The following CORO2B variants were observed in gnomAD, a reference collection of about 807,000 sequenced individuals.
The protein encoded by CORO2B is coronin-2B.
In CORO2B, 26 loss-of-function variants were observed where a neutral mutation model predicts 58.8. The ratio of observed to expected loss-of-function variants is 0.44; its 90% CI spans 0.32 to 0.61. The LOEUF is 0.61. Ranked by LOEUF, CORO2B falls within the 20% of genes least tolerant of loss-of-function variation. The pLI is 0.04. For synonymous variants in CORO2B, 242 were observed against 253.8 expected, an observed-to-expected ratio of 0.95 and a Z score of 0.44; for missense variants, 460 against 645.1, an observed-to-expected ratio of 0.71 and a Z score of 3.11.
chr15:68,534,878 A>G, the CORO2B span, among the ~76,000 whole-genome samples: 1 of 152,236 alleles, frequency 6.6e-6, no homozygotes, highest in East Asian at 1.9e-4. Flanking sequence ...GTGGCAGCAG[A>G]CAAAAGAGAG....
chr15:68,535,108 G>T, the CORO2B span, among the ~76,000 whole-genome samples: 4 of 152,178 alleles, frequency 2.6e-5, no homozygotes, highest in African/African-American at 9.7e-5. Context: ...TTAGATGTAT[G>T]CCTCTCTGAG....
At chr15:68,702,853 G>A (rs1456809053) in intron 3 of CORO2B, among the ~76,000 whole-genome samples, 2 of 118,706 alleles carry the variant, frequency 1.7e-5, no homozygotes, top group South Asian at 2.7e-4. Context: ...TTGAGACAGA[G>A]TCTCACTTTG....
intron 2 of CORO2B, among the ~76,000 whole-genome samples, chr15:68,671,548 G>A (rs1276139151): frequency 1.3e-5 from 2 of 152,234 alleles, no homozygotes; most frequent in Non-Finnish European, 2.9e-5. Context: ...GGTAGTTCTG[G>A]TTCAGGGTCT....
intron 3 of CORO2B, among the ~76,000 whole-genome samples, chr15:68,697,534 G>A (rs1451291358): frequency 6.6e-6 from 1 of 152,198 alleles, no homozygotes; most frequent in Admixed American, 6.5e-5. Flanking sequence ...GTGACTGGAA[G>A]GGTGGAGTGC....
chr15:68,699,928 G>A (rs1892599752), intron 3 of CORO2B, among the ~76,000 whole-genome samples: 1 of 152,216 alleles, frequency 6.6e-6, no homozygotes, highest in Non-Finnish European at 1.5e-5. Flanking sequence ...TTACATCACA[G>A]CGTCTGCTCT....
At chr15:68,642,785 T>G (rs1297406281) in intron 1 of CORO2B, among the ~76,000 whole-genome samples, 1 of 152,130 alleles carries the variant, frequency 6.6e-6, no homozygotes, top group African/African-American at 2.4e-5. Flanking sequence ...CACTGTGGAC[T>G]ATGTAGATCA....
intron 2 of CORO2B, among the ~76,000 whole-genome samples, chr15:68,689,524 A>G (rs950592199): frequency 6.6e-6 from 1 of 152,194 alleles, no homozygotes; most frequent in African/African-American, 2.4e-5. Flanking sequence ...TTAATATGCT[A>G]TTATATTATC....
chr15:68,719,457 A>G lies in CORO2B; in HGVS notation c.1216A>G (p.Lys406Glu). Residue 406 changes from lysine to glutamate, a missense_variant, in exon 11 of 12, where the codon AAA becomes GAA. By Grantham distance (56) the Lys-to-Glu change is moderately conservative (BLOSUM62 1). Around this residue, in one of 2 missense-constraint regions of CORO2B, gnomAD observed 108 missense variants for 102.1 expected, o/e 1.06. Coordinates refer to ENST00000261861, the MANE Select transcript of CORO2B (RefSeq NM_006091.5). Reference sequence around the variant, plus strand: ...GAAAGAAGGCTATAAGAAGTCCTCAAAAATGGTATTTAAGGCTCCCATCAA... The same window carrying G: ...GAAAGAAGGCTATAAGAAGTCCTCAGAAATGGTATTTAAGGCTCCCATCAA... The part of the protein sequence containing the change: ...SLKEGYKKSS[K>E]MVFKAPIKEK... 3 of 1,614,216 alleles carry G rather than the reference A, an allele frequency of 1.9e-6. No homozygotes were observed. The highest frequency in any genetic ancestry group is 2.5e-6 in the Non-Finnish European group (3 of 1,180,046).
At chr15:68,533,851 G>A in the CORO2B span, among the ~76,000 whole-genome samples, 1 of 152,070 alleles carries the variant, frequency 6.6e-6, no homozygotes, top group South Asian at 2.1e-4. Context: ...TCAAAGGGTG[G>A]GGACCTTTCT....
chr15:68,579,364 T>G, intron 1 of CORO2B, 87 bp downstream of exon 1: 4 of 1,163,996 alleles, frequency 3.4e-6, no homozygotes, highest in African/African-American at 1.6e-5. Flanking sequence ...GGTGTGGGTG[T>G]GGGGAGGGGG....
chr15:68,622,390 G>A (rs1228502358), intron 1 of CORO2B, among the ~76,000 whole-genome samples: 1 of 152,194 alleles, frequency 6.6e-6, no homozygotes, highest in Non-Finnish European at 1.5e-5. Flanking sequence ...GCTGTTGAAG[G>A]CCATGGGGAT....
At position 68,603,363 on chromosome 15, in the gene CORO2B, TAAAAA is replaced by T. The variant is rs745705361; in HGVS notation, c.15+24089_15+24093del. 3.9e-5 allele frequency among the ~76,000 whole-genome samples: 6 copies of T among 152,136 alleles called. No homozygotes were observed. In the East Asian group the frequency reaches 7.7e-4, roughly 20 times the overall value. On this transcript the variant is annotated intron_variant, in intron 1 of 11. Transcript: ENST00000261861. Reference sequence around the variant, plus strand: ...TGTAACCTCCAAATAATTATTATCTTAAAAAAACACACTTGCTAATCATACTAGTG... The same window carrying T: ...TGTAACCTCCAAATAATTATTATCTTAACACACTTGCTAATCATACTAGTG...
intron 1 of CORO2B, among the ~76,000 whole-genome samples, chr15:68,581,792 G>A (rs1421068406): frequency 6.6e-6 from 1 of 152,188 alleles, no homozygotes; most frequent in African/African-American, 2.4e-5. Flanking sequence ...GCGGTAGGTA[G>A]GGGAGGAAAT....
At chr15:68,665,788 T>C (rs1022072218) in intron 2 of CORO2B, among the ~76,000 whole-genome samples, 1 of 152,226 alleles carries the variant, frequency 6.6e-6, no homozygotes, top group Admixed American at 6.5e-5. Flanking sequence ...TATTTTGCCA[T>C]GTTACTAAAT....
In CORO2B at chr15:68,645,034, C is replaced by G; in HGVS notation, c.16-126C>G. 3.4e-6 allele frequency: 3 copies of G among 892,602 alleles called. No homozygotes were observed. The highest frequency in any genetic ancestry group is 5.1e-6 in the Non-Finnish European group (3 of 586,280). The allele number at this position is 892,602 out of a possible 1,614,324, so 55.3% of individuals were successfully genotyped here. A position where few individuals can be genotyped will look rare whatever the true frequency, so the allele number is the denominator to read the frequency against. ...CTTCTTCCTTTCCATCTCTTCCTGA[C>G]AGGGGACCCAGGGCCTGCTCACCTG... is the stretch of plus-strand genomic sequence containing the variant. On this transcript the variant is annotated intron_variant, in intron 1 of 11. Coordinates refer to ENST00000261861, the MANE Select transcript of CORO2B (RefSeq NM_006091.5). The surrounding 1 kb of genome is among the most constrained non-coding windows in gnomAD (Gnocchi z 4.5).
At chr15:68,575,964 C>T (rs989056774), upstream of CORO2B, among the ~76,000 whole-genome samples, 2 of 151,408 alleles carry the variant, frequency 1.3e-5, no homozygotes, top group Non-Finnish European at 2.9e-5. Flanking sequence ...ACCAGCCTGG[C>T]CAACATAGTG....
chr15:68,547,020 A>C, the CORO2B span, among the ~76,000 whole-genome samples: 1 of 152,244 alleles, frequency 6.6e-6, no homozygotes, highest in Non-Finnish European at 1.5e-5. Flanking sequence ...AATATGATAC[A>C]AAATGAAGTA....
At chr15:68,676,925 C>T (rs1308903186) in intron 2 of CORO2B, among the ~76,000 whole-genome samples, 1 of 152,144 alleles carries the variant, frequency 6.6e-6, no homozygotes, top group Non-Finnish European at 1.5e-5. Context: ...GTGTGCACCA[C>T]CATGCCTGGC....
chr15:68,612,948 C>T (rs1387221335), intron 1 of CORO2B, among the ~76,000 whole-genome samples: 1 of 152,176 alleles, frequency 6.6e-6, no homozygotes, highest in Non-Finnish European at 1.5e-5. Context: ...TTTCCCAGGT[C>T]CAGGACATCA....
Sources: gnomAD v4.1 joint callset for allele counts (sites outside exome capture counted in the v4.1 genomes callset) on GRCh38, gnomAD v4.1.1 for gene constraint, gnomAD v4.1.1 regional missense constraint, Gnocchi (gnomAD v3.1) non-coding constraint, MANE v1.5 for transcripts, NCBI Gene and HGNC (gene_info 2026-07-23, HGNC 2026-07-21) for gene names.